Variants in UGT1A10 observed in about 807,000 individuals in gnomAD.
The protein encoded by UGT1A10 is UDP glucuronosyltransferase family 1 member A10, also known as UDP-glucuronosyltransferase 1A10.
A neutral mutation model predicts 45.8 loss-of-function variants in UGT1A10; 49 were observed. The ratio of observed to expected loss-of-function variants is 1.07; its 90% confidence interval spans 0.85 to 1.36. UGT1A10 has a LOEUF of 1.36. Among genes scored for constraint, UGT1A10 ranks in the 40% most tolerant of loss-of-function variants. The probability of loss-of-function intolerance (pLI) is 0.00; values close to 1 mark genes in which losing one functional copy is unlikely to be tolerated. For missense variants in UGT1A10, 745 were observed against 668.6 expected, an observed-to-expected ratio of 1.11 and a Z score of -1.26; for synonymous variants, 284 against 249.7, an observed-to-expected ratio of 1.14 and a Z score of -1.29.
At chr2:233,644,851 G>T (rs1387791141) in intron 1 of UGT1A10, among the ~76,000 whole-genome samples, 1 of 152,128 alleles carries the variant, frequency 6.6e-6, no homozygotes, top group African/African-American at 2.4e-5. Flanking sequence ...CTGAGTTTTG[G>T]TTCTTATGAA....
At chr2:233,746,830 T>C (rs2125880707) in intron 1 of UGT1A10, among the ~76,000 whole-genome samples, 1 of 151,918 alleles carries the variant, frequency 6.6e-6, no homozygotes, top group South Asian at 2.1e-4. Context: ...TGCCTACCAC[T>C]GTTGGGGACC....
chr2:233,755,459 T>A (rs1367046072), intron 1 of UGT1A10: 1 of 283,420 alleles, frequency 3.5e-6, no homozygotes, highest in Non-Finnish European at 6.9e-6. Flanking sequence ...GGACTGGCCC[T>A]GCTCTCTGTG....
intron 1 of UGT1A10, chr2:233,693,923 A>T (rs1415747588): frequency 1.6e-5 from 26 of 1,609,250 alleles, no homozygotes; most frequent in Non-Finnish European, 2.2e-5. Flanking sequence ...GTCCTCCCTC[A>T]CTCATTTGGC....
At chr2:233,690,557 C>T (rs990506921) in intron 1 of UGT1A10, 2 of 1,289,654 alleles carry the variant, frequency 1.6e-6, no homozygotes, top group Non-Finnish European at 2.0e-6. Context: ...ATGTCCCAAG[C>T]CTGAGTCATT....
intron 4 of UGT1A10, chr2:233,770,249 C>T (rs1368624656): frequency 1.3e-5 from 2 of 152,160 alleles, no homozygotes; most frequent in Non-Finnish European, 2.9e-5. Flanking sequence ...TTCCAACACT[C>T]TGAGCTGGGG....
At chr2:233,703,336 CTT>C (rs2075733566) in intron 1 of UGT1A10, among the ~76,000 whole-genome samples, 1 of 151,932 alleles carries the variant, frequency 6.6e-6, no homozygotes, top group South Asian at 2.1e-4. Flanking sequence ...AGTCTTCTCT[CTT>C]TTTTCTTTGT....
chr2:233,664,713 CA>C (rs1404564467), intron 1 of UGT1A10, among the ~76,000 whole-genome samples: 1 of 152,198 alleles, frequency 6.6e-6, no homozygotes, highest in Non-Finnish European at 1.5e-5. Flanking sequence ...CCCCATGATC[CA>C]AACACCTCCC....
At chr2:233,736,931 A>ACCTATAT (rs1358475189) in intron 1 of UGT1A10, among the ~76,000 whole-genome samples, 2 of 152,012 alleles carry the variant, frequency 1.3e-5, no homozygotes, top group Non-Finnish European at 2.9e-5. Context: ...AGGCGCACCC[A>ACCTATAT]CCTATATGAG....
intron 1 of UGT1A10, among the ~76,000 whole-genome samples, chr2:233,764,782 C>A (rs1260988013): frequency 6.6e-6 from 1 of 152,064 alleles, no homozygotes; most frequent in Non-Finnish European, 1.5e-5. Flanking sequence ...TCAGAAAAAC[C>A]ATCCTCAGGG....
intron 1 of UGT1A10, among the ~76,000 whole-genome samples, chr2:233,646,340 G>C (rs1387447828): frequency 6.6e-6 from 1 of 152,168 alleles, no homozygotes; most frequent in Non-Finnish European, 1.5e-5. Flanking sequence ...TGGTTTTGGG[G>C]ATTAACATTC....
chr2:233,724,329 G>A (rs1291101719), intron 1 of UGT1A10, among the ~76,000 whole-genome samples: 36 of 143,834 alleles, frequency 2.5e-4, no homozygotes, highest in African/African-American at 9.0e-4. Context: ...GGCTGGCCAG[G>A]CGGGGGGCTG....
At chr2:233,708,809 C>G (rs1241028873) in intron 1 of UGT1A10, 1 of 151,950 alleles carries the variant, frequency 6.6e-6, no homozygotes, top group African/African-American at 2.4e-5. Flanking sequence ...GGCAACTTCC[C>G]CAAATTCTTG....
chr2:233,717,321 G>T (rs563311292), intron 1 of UGT1A10, among the ~76,000 whole-genome samples: 1 of 152,328 alleles, frequency 6.6e-6, no homozygotes, highest in African/African-American at 2.4e-5. Flanking sequence ...AGCACTCTGT[G>T]TCCTCACAAA....
chr2:233,772,325 C>T lies in UGT1A10; in HGVS notation c.1359C>T (p.Asp453=), dbSNP rs773957041. ...AGGACCGCCCGGTGGAGCCGCTGGA[C>T]CTGGCCGTGTTCTGGGTGGAGTTTG... is the stretch of plus-strand genomic sequence containing the variant. ...LHKDRPVEPL[D]LAVFWVEFVM... The change falls in exon 5 of 5, where the codon GAC becomes GAT. Residue 453 remains aspartate, a synonymous_variant. Coordinates refer to ENST00000344644, the MANE Select transcript of UGT1A10 (RefSeq NM_019075.4). 3.1e-6 allele frequency: 5 copies of T among 1,614,018 alleles called. No homozygotes were observed. In the African/African-American group the frequency reaches 4.0e-5, roughly 13 times the overall value.
chr2:233,726,841 G>A (rs1173515179), intron 1 of UGT1A10, among the ~76,000 whole-genome samples: 1 of 152,112 alleles, frequency 6.6e-6, no homozygotes, highest in African/African-American at 2.4e-5. Flanking sequence ...TTTAATTTTT[G>A]TTCCTTTTCT....
intron 1 of UGT1A10, among the ~76,000 whole-genome samples, chr2:233,694,463 G>A (rs1428276750): frequency 6.6e-6 from 1 of 152,180 alleles, no homozygotes; most frequent in African/African-American, 2.4e-5. Flanking sequence ...TTCAGCAAAA[G>A]GGGTATGGCC....
chr2:233,657,805 G>T (rs1293202771), intron 1 of UGT1A10, among the ~76,000 whole-genome samples: 1 of 152,000 alleles, frequency 6.6e-6, no homozygotes, highest in Non-Finnish European at 1.5e-5. Context: ...TATGTTCTTT[G>T]GTAAATGTTC....
At chr2:233,724,599 T>C (rs1249789503) in intron 1 of UGT1A10, among the ~76,000 whole-genome samples, 2 of 100,788 alleles carry the variant, frequency 2.0e-5, no homozygotes, top group Non-Finnish European at 4.0e-5. Context: ...TCTCAGACGA[T>C]GGGCGGCCGG....
intron 1 of UGT1A10, among the ~76,000 whole-genome samples, chr2:233,640,359 C>G (rs929813987): frequency 1.3e-5 from 2 of 151,952 alleles, no homozygotes; most frequent in Non-Finnish European, 2.9e-5. Context: ...AGTGGAAATT[C>G]TTGGCTTGTC....
Sources: gnomAD v4.1 joint callset for allele counts (sites outside exome capture counted in the v4.1 genomes callset) on GRCh38, gnomAD v4.1.1 for gene constraint, MANE v1.5 for transcripts, NCBI Gene and HGNC (gene_info 2026-07-23, HGNC 2026-07-21) for gene names.